The following PTOV1 variants were observed in gnomAD, a reference collection of about 807,000 sequenced individuals.
The protein encoded by PTOV1 is PTOV1 extended AT-hook containing adaptor protein.
A neutral mutation model predicts 58.0 loss-of-function variants in PTOV1; 20 were observed. The ratio of observed to expected loss-of-function variants is 0.34; its 90% CI spans 0.24 to 0.50. PTOV1 has a LOEUF of 0.50. PTOV1 is among the 20% of genes least tolerant of loss of function. The probability of loss-of-function intolerance (pLI) is 0.98; values close to 1 mark genes in which losing one functional copy is unlikely to be tolerated. For missense variants in PTOV1, 593 were observed against 565.4 expected (o/e 1.05, Z -0.50); for synonymous variants, 335 against 234.2 (o/e 1.43, Z -3.93).
At chr19:49,854,301 G>A in intron 1 of PTOV1, 105 bp from the exon 2 acceptor site, 1 of 1,457,328 alleles carries the variant, frequency 6.9e-7, no homozygotes, top group Non-Finnish European at 9.3e-7. Context: ...TCCAGCAGGG[G>A]ATTTGGGGCT....
chr19:49,850,959 G>A, upstream of PTOV1: 1 of 1,535,610 alleles, frequency 6.5e-7, no homozygotes, highest in Non-Finnish European at 8.7e-7. Context: ...CCATTCGGTA[G>A]GGGCTCCCGT....
At chr19:49,854,177 C>T (rs2074365045) in intron 1 of PTOV1, among the ~76,000 whole-genome samples, 2 of 152,306 alleles carry the variant, frequency 1.3e-5, no homozygotes, top group South Asian at 4.1e-4. Context: ...GTCAAGGTGA[C>T]AGCAGGCTCT....
At chr19:49,857,299 A>C in intron 6 of PTOV1, 169 bp downstream of exon 6, 1 of 966,204 alleles carries the variant, frequency 1.0e-6, no homozygotes, top group Non-Finnish European at 1.5e-6. Flanking sequence ...CTCCATGGAA[A>C]AGCGGCCACT....
At chr19:49,851,686 T>G in intron 1 of PTOV1, 187 bp downstream of exon 1, 1 of 1,128,016 alleles carries the variant, frequency 8.9e-7, no homozygotes. Flanking sequence ...CTCCCCTTTG[T>G]TGCGCGTTCG....
intron 7 of PTOV1, 46 bp from the exon 8 acceptor site, chr19:49,857,858 G>A (rs2074548120): frequency 6.2e-7 from 1 of 1,611,756 alleles, no homozygotes; most frequent in Non-Finnish European, 8.5e-7. Context: ...CACTGGCATT[G>A]GGGGTCTCCA....
chr19:49,859,736 C>G (rs1158737292), intron 10 of PTOV1: 1 of 552,822 alleles, frequency 1.8e-6, no homozygotes, highest in Non-Finnish European at 3.2e-6. Flanking sequence ...CACAGCCTGG[C>G]CTGCCCAGGA....
rs147320379 is a variant in PTOV1 at position 49,853,865 on chromosome 19, T to C, written c.172-541T>C. Among the ~76,000 whole-genome samples the C allele has an allele frequency of 9.2e-3, 1,399 of 152,312 alleles. 19 individuals are homozygous for C. Among genetic ancestry groups the C allele is most frequent in the African/African-American group, 0.032 (1,330 of 41,568 alleles). On this transcript the variant is annotated intron_variant, in intron 1 of 11. Transcript: ENST00000391842. ...CTGCCTCCCCCCGGGGTCAGACTTA[T>C]AAGGCCAGAGAGGTGGGCACTGGCC...
At chr19:49,857,915 G>A in exon 8 of PTOV1, 3 of 1,613,868 alleles carry the variant, frequency 1.9e-6, no homozygotes, top group Non-Finnish European at 2.5e-6. Context: ...CCAGGCCTGA[G>A]CCCAACAGTC....
exon 11 of PTOV1, chr19:49,860,105 C>T (rs2074684302): frequency 1.9e-6 from 3 of 1,614,214 alleles, no homozygotes; most frequent in African/African-American, 1.3e-5. Flanking sequence ...GCAACTTTGT[C>T]AACGGCATCC....
At chr19:49,857,088 C>A (rs759381354) in exon 6 of PTOV1, 1 of 1,614,114 alleles carries the variant, frequency 6.2e-7, no homozygotes, top group Non-Finnish European at 8.5e-7. Flanking sequence ...ACCAGAGCGG[C>A]TTCGTCAGTG....
Position 49,854,048 on chromosome 19 carries a change from C to T in PTOV1, c.172-358C>T, listed in dbSNP as rs1336404764. On this transcript the variant is annotated intron_variant, in intron 1 of 11. Coordinates refer to ENST00000391842, the Ensembl canonical transcript of PTOV1. The stretch of plus-strand genomic sequence containing the variant: ...GAAGCCCTGGGCCCAGCCTGGGGCA[C>T]GGGGAAAGCCCCCTACAGCTGGCTT... 1.5e-4 allele frequency among the ~76,000 whole-genome samples: 23 copies of T among 152,182 alleles called. 1 individual carries two copies. Among genetic ancestry groups the T allele is most frequent in the Admixed American group, 1.5e-3 (23 of 15,286 alleles).
At chr19:49,860,394 GTT>G in exon 12 of PTOV1, 9 of 690,682 alleles carry the variant, frequency 1.3e-5, no homozygotes, top group Non-Finnish European at 1.9e-5. Flanking sequence ...GGGGGGTGGG[GTT>G]GGGAAAGAAG....
At chr19:49,860,357 G>A in exon 12 of PTOV1, 2 of 875,678 alleles carry the variant, frequency 2.3e-6, no homozygotes, top group Non-Finnish European at 3.4e-6. Flanking sequence ...ACCCTGTCAT[G>A]TACAGGAGGG....
At chr19:49,851,452 C>A (rs2074242943) in exon 1 of PTOV1, 2 of 1,221,662 alleles carry the variant, frequency 1.6e-6, no homozygotes, top group South Asian at 4.1e-5. Context: ...TGCCAGCCCC[C>A]GAGGCCCGCA....
intron 1 of PTOV1, among the ~76,000 whole-genome samples, chr19:49,853,711 C>A (rs914902474): frequency 6.6e-6 from 1 of 152,142 alleles, no homozygotes; most frequent in Non-Finnish European, 1.5e-5. Context: ...TCTTGGTGTT[C>A]TACATGTTTT....
chr19:49,858,633 C>T (rs1417014787), exon 10 of PTOV1: 11 of 1,601,488 alleles, frequency 6.9e-6, no homozygotes, highest in African/African-American at 1.3e-5. Context: ...GAGCCTGTGC[C>T]GGATCATGGA....
Position 49,860,389 on chromosome 19 carries a change from G to A in PTOV1, c.*110G>A. On this transcript the variant is annotated 3_prime_UTR_variant, in exon 12 of 12. Coordinates refer to ENST00000391842, the Ensembl canonical transcript of PTOV1. ...AGGGACCCTGGGGCATGTGGGGGGGGTGGGGTTGGGAAAGAAGCAGGGCGA... is the reference window on the plus strand; with the variant it reads ...AGGGACCCTGGGGCATGTGGGGGGGATGGGGTTGGGAAAGAAGCAGGGCGA... 12 of 1,203,042 alleles carry A rather than the reference G, an allele frequency of 1.0e-5. 1 individual carries two copies. Among genetic ancestry groups the A allele is most frequent in the Admixed American group, 4.9e-5 (2 of 40,654 alleles). The allele number at this position is 1,203,042 out of a possible 1,614,324, so 74.5% of individuals were successfully genotyped here.
exon 7 of PTOV1, chr19:49,857,732 A>T (rs59595912): frequency 1.9e-6 from 3 of 1,614,090 alleles, no homozygotes; most frequent in Admixed American, 3.3e-5. Flanking sequence ...CCCAGTCCAG[A>T]TCGTCAACAA....
chr19:49,860,690 A>C (rs1475741310), exon 12 of PTOV1: 1 of 366,100 alleles, frequency 2.7e-6, no homozygotes, highest in African/African-American at 2.1e-5. Flanking sequence ...TGAGGCCTCC[A>C]AGGACGGTCC....
Sources: gnomAD v4.1 joint callset for allele counts (sites outside exome capture counted in the v4.1 genomes callset) on GRCh38, gnomAD v4.1.1 for gene constraint, MANE v1.5 for transcripts, NCBI Gene and HGNC (gene_info 2026-07-23, HGNC 2026-07-21) for gene names.